The following PABIR3 variants were observed in gnomAD, a reference collection of about 807,000 sequenced individuals.
The protein encoded by PABIR3 is PABIR family member 3.
A neutral mutation model predicts 23.1 loss-of-function variants in PABIR3; 20 were observed. That is an observed-to-expected ratio of 0.86 (90% CI 0.61 to 1.26). The LOEUF is 1.26. Among genes scored for constraint, PABIR3 ranks in the 50% most tolerant of loss-of-function variants. PABIR3 has a pLI of 0.00. For missense variants in PABIR3, 189 were observed against 195.4 expected, an observed-to-expected ratio of 0.97 and a Z score of 0.20; for synonymous variants, 69 against 68.5, an observed-to-expected ratio of 1.01 and a Z score of -0.04.
At chrX:134,843,606 C>G (rs1238210011) in intron 4 of PABIR3, among the ~76,000 whole-genome samples, 1 of 87,522 alleles carries the variant, frequency 1.1e-5, no homozygotes, top group Non-Finnish European at 2.1e-5. Flanking sequence ...CTCGCTCTGT[C>G]GCCCAGGCTA....
chrX:134,857,697 T>C (rs1293979929), downstream of PABIR3, among the ~76,000 whole-genome samples: 1 of 111,385 alleles, frequency 9.0e-6, no homozygotes, highest in Non-Finnish European at 1.9e-5. Context: ...CAATCAAGTA[T>C]TCCTATTTTA....
intron 2 of PABIR3, 68 bp from the exon 3 acceptor site, chrX:134,814,703 C>CA (rs201263798): frequency 0.085 from 50,153 of 586,825 alleles, no homozygotes; most frequent in Non-Finnish European, 0.092. Context: ...GACTCCGTCT[C>CA]AAAAAAAAAA....
intron 2 of PABIR3, among the ~76,000 whole-genome samples, chrX:134,808,582 G>C (rs1452105158): frequency 9.0e-6 from 1 of 111,146 alleles, no homozygotes; most frequent in Non-Finnish European, 1.9e-5. Flanking sequence ...GGGTTTCACC[G>C]TGTTAGTCAG....
chrX:134,817,318 A>G (rs773605333), intron 3 of PABIR3, among the ~76,000 whole-genome samples: 2 of 111,060 alleles, frequency 1.8e-5, no homozygotes, highest in Middle Eastern at 4.6e-3. Flanking sequence ...TGTTCATTAA[A>G]TAAATATTTC....
chrX:134,797,247 G>A (rs893560950), intron 1 of PABIR3: 1 of 113,819 alleles, frequency 8.8e-6, no homozygotes, highest in East Asian at 2.8e-4. Context: ...CCGCGGGCAC[G>A]GAGCGTGCGT....
At position 134,845,347 on chromosome X, in the gene PABIR3, G is replaced by A. The variant is rs1319102740; in HGVS notation, c.291G>A (p.Trp97Ter). The A allele has an allele frequency of 8.3e-7, 1 of 1,204,596 alleles. No individual in the cohort carries two copies. Among genetic ancestry groups the A allele is most frequent in the Non-Finnish European group, 1.1e-6 (1 of 892,031 alleles). Residue 97 changes from tryptophan to a stop codon, truncating the protein, a stop_gained and splice_region_variant, in exon 6 of 11, where the codon TGG becomes TGA. Transcript: ENST00000645433. LOFTEE classifies it high-confidence loss of function. ...ACTGCAGTTTTGATTTCTTTTGTAG[G>A]AAGCTACAAAGTGAGATACAGATAA... is the stretch of plus-strand genomic sequence containing the variant. ...DLINRETMSE[W>*]KLQSEIQISH... is the part of the protein sequence containing the mutation.
intron 3 of PABIR3, 152 bp from the exon 4 acceptor site, chrX:134,829,074 A>G: frequency 2.2e-6 from 1 of 464,000 alleles, no homozygotes; most frequent in South Asian, 4.4e-5. Flanking sequence ...ATCCAGTTGG[A>G]TCTTTTTTTA....
the PABIR3 span, among the ~76,000 whole-genome samples, chrX:134,860,616 C>T: frequency 9.1e-5 from 10 of 110,258 alleles, no homozygotes; most frequent in Non-Finnish European, 1.9e-4. Flanking sequence ...GGGAAAAATA[C>T]GGGATAGGTT....
At chrX:134,831,453 G>A (rs2081774054) in intron 4 of PABIR3, among the ~76,000 whole-genome samples, 2 of 111,482 alleles carry the variant, frequency 1.8e-5, no homozygotes, top group Non-Finnish European at 3.8e-5. Flanking sequence ...AAACAGAAAT[G>A]TCTGGTTCTC....
chrX:134,810,676 G>A, intron 2 of PABIR3: 1 of 754,386 alleles, frequency 1.3e-6, no homozygotes. Context: ...ATTTGCATAT[G>A]TATACTGCTC....
At chrX:134,809,646 A>G (rs2080517311) in intron 2 of PABIR3, 2 of 737,290 alleles carry the variant, frequency 2.7e-6, no homozygotes, top group Non-Finnish European at 1.6e-6. Context: ...ACAGTACCAT[A>G]GACTATCAGG....
chrX:134,821,430 C>T lies in PABIR3; in HGVS notation c.189+6581C>T, dbSNP rs573929260. ...GCCCCTTTGCTTTATCTCCTAAGAA[C>T]TCTGAAGTTGCCATGCCTGTTCCTT... On this transcript the variant is annotated intron_variant, in intron 3 of 10. Transcript: ENST00000645433. 51 of 1,153,012 alleles carry T rather than the reference C, an allele frequency of 4.4e-5. No homozygotes were observed. The African/African-American group carries it at 8.0e-4, about 18-fold the overall frequency.
Position 134,807,582 on chromosome X carries a change from T to C in PABIR3, c.-17T>C, listed in dbSNP as rs752255352. Reference sequence around the variant, plus strand: ...CGGGAGCCGGAAAGCCTTGAGAACTTATTCCTCGACCCGGACATGGCACAG... The same window carrying C: ...CGGGAGCCGGAAAGCCTTGAGAACTCATTCCTCGACCCGGACATGGCACAG... On this transcript the variant is annotated 5_prime_UTR_variant, in exon 2 of 11. Coordinates refer to ENST00000645433, the MANE Select transcript of PABIR3 (RefSeq NM_001388447.1). 1.7e-6 allele frequency: 2 copies of C among 1,210,319 alleles called. No homozygotes were observed. The highest frequency in any genetic ancestry group is 2.2e-6 in the Non-Finnish European group (2 of 894,747).
chrX:134,851,561 G>A (rs1209976982), intron 9 of PABIR3, among the ~76,000 whole-genome samples: 3 of 110,060 alleles, frequency 2.7e-5, no homozygotes, highest in African/African-American at 6.6e-5. Flanking sequence ...AGGAATAAGC[G>A]AGAGCAAATA....
At chrX:134,841,798 C>T (rs1420947768) in intron 4 of PABIR3, among the ~76,000 whole-genome samples, 1 of 109,786 alleles carries the variant, frequency 9.1e-6, no homozygotes, top group Admixed American at 9.8e-5. Context: ...CACTGCTCTC[C>T]AGCCTGGGCA....
At chrX:134,843,359 C>A (rs2082308296) in intron 4 of PABIR3, among the ~76,000 whole-genome samples, 1 of 107,687 alleles carries the variant, frequency 9.3e-6, no homozygotes, top group Non-Finnish European at 1.9e-5. Flanking sequence ...AGAGTTTTAT[C>A]TTTTAAGTTA....
intron 3 of PABIR3, chrX:134,822,127 C>T: frequency 1.3e-6 from 1 of 753,688 alleles, no homozygotes; most frequent in Non-Finnish European, 1.6e-6. Context: ...TTCCTTGGTG[C>T]TGATACTCTT....
rs764746213 is a variant in PABIR3 at position 134,854,258 on chromosome X, T to A, written c.*41T>A. 1 of 1,175,060 alleles carries A rather than the reference T, an allele frequency of 8.5e-7. No homozygotes were observed. Among genetic ancestry groups the A allele is most frequent in the Non-Finnish European group, 1.1e-6 (1 of 876,942 alleles). On this transcript the variant is annotated 3_prime_UTR_variant, in exon 11 of 11. Transcript: ENST00000645433. ...CTAAATGATTCACCCATCCCAAGAC[T>A]TTCTCACCAGTGGAGAAACACACAC... is the stretch of plus-strand genomic sequence containing the variant.
At chrX:134,858,965 A>C (rs146030186), downstream of PABIR3, among the ~76,000 whole-genome samples, 14 of 112,209 alleles carry the variant, frequency 1.2e-4, 1 homozygote, top group East Asian at 3.9e-3. Flanking sequence ...CAACAGCTAC[A>C]TATGTGCAGT....
Sources: allele counts gnomAD v4.1 joint callset (sites outside exome capture counted in the v4.1 genomes callset), GRCh38; gene constraint gnomAD v4.1.1; transcripts MANE v1.5; gene names NCBI Gene and HGNC (gene_info 2026-07-23, HGNC 2026-07-21).